Variants in PDE11A observed in about 807,000 individuals in gnomAD.
PDE11A encodes phosphodiesterase 11A.
PDE11A carries 100 observed loss-of-function variants against 100.5 expected under a neutral mutation model. The ratio of observed to expected loss-of-function variants is 1.00; its 90% CI spans 0.85 to 1.18. PDE11A has a LOEUF of 1.18. Among genes scored for constraint, PDE11A ranks in the 50% most tolerant of loss-of-function variants. The pLI is 0.00. For missense variants in PDE11A, 1,141 were observed against 1,152.6 expected (o/e 0.99, Z 0.15); for synonymous variants, 381 against 420.8 (o/e 0.91, Z 1.16).
intron 2 of PDE11A, chr2:177,997,700 G>T: frequency 1.9e-6 from 3 of 1,553,648 alleles, no homozygotes; most frequent in Non-Finnish European, 2.7e-6. Context: ...AAGAAATCTG[G>T]AAGTTTTTGG....
intron 2 of PDE11A, among the ~76,000 whole-genome samples, chr2:178,001,261 A>G (rs1177273158): frequency 1.4e-5 from 2 of 142,600 alleles, no homozygotes; most frequent in Non-Finnish European, 3.0e-5. Context: ...ATTCCTTAGC[A>G]AAGACAATGT....
intron 6 of PDE11A, among the ~76,000 whole-genome samples, chr2:177,832,682 G>A (rs13393722): frequency 0.11 from 16,024 of 151,970 alleles, 1,083 homozygotes; most frequent in African/African-American, 0.19. Flanking sequence ...GCAGACTCAA[G>A]CATGTGCATT....
chr2:177,881,314 TTATCTC>T (rs1356208098), intron 4 of PDE11A, among the ~76,000 whole-genome samples: 3 of 151,578 alleles, frequency 2.0e-5, no homozygotes, highest in African/African-American at 7.3e-5. Context: ...ATAAATATCT[TTATCTC>T]TATCTATCTA....
chr2:177,914,185 T>G (rs2084920686), intron 2 of PDE11A, among the ~76,000 whole-genome samples: 1 of 152,200 alleles, frequency 6.6e-6, no homozygotes, highest in African/African-American at 2.4e-5. Context: ...TTTGCTTATT[T>G]TGTTTATTTT....
At chr2:177,982,674 G>C (rs2085897011) in intron 2 of PDE11A, among the ~76,000 whole-genome samples, 1 of 150,792 alleles carries the variant, frequency 6.6e-6, no homozygotes, top group Non-Finnish European at 1.5e-5. Context: ...AATTTAACAA[G>C]ATGATATTTA....
rs189226091 is a variant in PDE11A at position 177,739,726 on chromosome 2, A to T, written c.1789-11554T>A. On this transcript the variant is annotated intron_variant, in intron 10 of 19. Coordinates refer to ENST00000286063, the MANE Select transcript of PDE11A (RefSeq NM_016953.4). ...AAGAAAAACAGACTCTAGTTTCCAC[A>T]TATTTTTCACGGTCCCTCTATGCAG... 4.2e-4 allele frequency among the ~76,000 whole-genome samples: 64 copies of T among 152,326 alleles called. 1 individual carries two copies. The highest frequency in any genetic ancestry group is 1.5e-3 in the African/African-American group (63 of 41,572).
intron 1 of PDE11A, among the ~76,000 whole-genome samples, chr2:178,108,041 A>T (rs963031575): frequency 2.0e-5 from 3 of 152,154 alleles, no homozygotes; most frequent in Non-Finnish European, 4.4e-5. Flanking sequence ...TTTAAGGGTG[A>T]CTTGGCAACC....
chr2:177,967,200 C>CTTTTTTT (rs34293348), intron 2 of PDE11A, among the ~76,000 whole-genome samples: 11 of 106,208 alleles, frequency 1.0e-4, no homozygotes, highest in East Asian at 2.6e-4. Context: ...TCTCCTTTGT[C>CTTTTTTT]TTTTTTTTTT....
At chr2:177,923,577 A>G (rs1267025287) in intron 2 of PDE11A, among the ~76,000 whole-genome samples, 1 of 152,156 alleles carries the variant, frequency 6.6e-6, no homozygotes, top group Non-Finnish European at 1.5e-5. Flanking sequence ...CCAATCCTCT[A>G]GTAGACTTAG....
chr2:178,050,253 C>T (rs2086806792), intron 1 of PDE11A, among the ~76,000 whole-genome samples: 1 of 152,166 alleles, frequency 6.6e-6, no homozygotes, highest in South Asian at 2.1e-4. Context: ...TGGGGTGGAC[C>T]TCCAGCAAAC....
rs537311598 is a variant in PDE11A at position 178,009,342 on chromosome 2, G to A, written c.1071+4960C>T. On this transcript the variant is annotated intron_variant, in intron 2 of 19. Coordinates refer to ENST00000286063, the MANE Select transcript of PDE11A (RefSeq NM_016953.4). ...CCCACAAAGTGAACCAGAAAATTCC[G>A]ATCATCTCTCCTGCATGGTCTGCCT... 2.0e-3 allele frequency among the ~76,000 whole-genome samples: 311 copies of A among 152,242 alleles called. 1 individual carries two copies. Among genetic ancestry groups the A allele is most frequent in the African/African-American group, 7.1e-3 (297 of 41,544 alleles).
At chr2:177,742,117 G>A (rs1018663186) in intron 10 of PDE11A, among the ~76,000 whole-genome samples, 2 of 152,098 alleles carry the variant, frequency 1.3e-5, no homozygotes, top group African/African-American at 4.8e-5. Context: ...GTCTGCCAGG[G>A]AAGGAGACCC....
rs946309422 is a variant in PDE11A at position 177,711,872 on chromosome 2, C to T, written c.2050G>A (p.Gly684Arg). The change falls in exon 13 of 20, where the codon GGG becomes AGG. Residue 684 changes from glycine (G) to arginine (R), a missense_variant. Physicochemically the swap from Gly to Arg is moderately radical, Grantham distance 125. Transcript: ENST00000286063. ...ACCTCGGTCAGAATGTCTTGAAACC[C>T]AGCAGTCTGGGAAGAAGGGGAAAAT... ...QLMFAMLTTA[G>R]FQDILTEVEI... 4 of 1,596,284 alleles carry T rather than the reference C, an allele frequency of 2.5e-6. No homozygotes were observed. The highest frequency in any genetic ancestry group is 2.2e-5 in the South Asian group (2 of 90,622).
chr2:177,988,307 A>G (rs1355959885), intron 2 of PDE11A, among the ~76,000 whole-genome samples: 3 of 152,200 alleles, frequency 2.0e-5, no homozygotes, highest in Non-Finnish European at 4.4e-5. Context: ...TCAGAGAAAG[A>G]GTTTGTTCCT....
intron 2 of PDE11A, among the ~76,000 whole-genome samples, chr2:177,961,271 T>C (rs1429643607): frequency 6.6e-6 from 1 of 151,966 alleles, no homozygotes; most frequent in Non-Finnish European, 1.5e-5. Flanking sequence ...TTTTTTTTTT[T>C]AATCGGTGAG....
chr2:177,898,932 A>G (rs1240816438), intron 3 of PDE11A, among the ~76,000 whole-genome samples: 1 of 152,138 alleles, frequency 6.6e-6, no homozygotes, highest in East Asian at 1.9e-4. Context: ...TGGAACATTT[A>G]CCCCATTTCT....
chr2:177,936,072 C>T (rs910367200), intron 2 of PDE11A, among the ~76,000 whole-genome samples: 4 of 152,050 alleles, frequency 2.6e-5, no homozygotes, highest in Non-Finnish European at 5.9e-5. Context: ...CTTAACCTAC[C>T]GTCTTAGGGA....
chr2:177,637,904 T>C (rs1376332100), intron 19 of PDE11A, among the ~76,000 whole-genome samples: 3 of 82,328 alleles, frequency 3.6e-5, no homozygotes, highest in South Asian at 4.4e-4. Context: ...TATATATACA[T>C]ATATACATAT....
intron 12 of PDE11A, among the ~76,000 whole-genome samples, chr2:177,722,428 T>C (rs2081544202): frequency 6.6e-6 from 1 of 152,172 alleles, no homozygotes; most frequent in African/African-American, 2.4e-5. Context: ...GGATTATCCT[T>C]CTGCCCAATT....
Sources: gnomAD v4.1 joint callset for allele counts (sites outside exome capture counted in the v4.1 genomes callset) on GRCh38, gnomAD v4.1.1 for gene constraint, MANE v1.5 for transcripts, NCBI Gene and HGNC (gene_info 2026-07-23, HGNC 2026-07-21) for gene names.